Variants in DISC1 observed in about 807,000 individuals in gnomAD.
The protein encoded by DISC1 is disrupted in schizophrenia 1 protein.
Under a neutral mutation model 84.5 loss-of-function variants are expected in DISC1, and 57 were observed. That is an observed-to-expected ratio of 0.67 (90% CI 0.55 to 0.84). The LOEUF (loss-of-function observed/expected upper bound fraction) is 0.84. Among genes scored for constraint, DISC1 ranks in the 40% least tolerant of loss-of-function variants. DISC1 has a pLI of 0.00. For synonymous variants in DISC1, 411 were observed against 415.2 expected, an observed-to-expected ratio of 0.99 and a Z score of 0.12; for missense variants, 1,000 against 1,057.8, an observed-to-expected ratio of 0.95 and a Z score of 0.76.
At chr1:231,884,607 G>A (rs578025243) in intron 9 of DISC1, among the ~76,000 whole-genome samples, 16 of 152,250 alleles carry the variant, frequency 1.1e-4, no homozygotes, top group African/African-American at 3.9e-4. Flanking sequence ...TCCTTCGGGT[G>A]TATAAGAACA....
chr1:231,783,728 C>T (rs996395978), intron 6 of DISC1, among the ~76,000 whole-genome samples: 5 of 152,136 alleles, frequency 3.3e-5, no homozygotes, highest in Admixed American at 6.5e-5. Flanking sequence ...AGGGTGTGAA[C>T]GCGTGTGTGT....
chr1:231,684,535 T>C (rs542749251), intron 1 of DISC1, among the ~76,000 whole-genome samples: 51 of 152,226 alleles, frequency 3.4e-4, no homozygotes, highest in South Asian at 1.0e-3. Context: ...CCTGTGTAAA[T>C]ACCAGCAGGC....
chr1:232,003,113 G>A (rs1666923046), intron 10 of DISC1, among the ~76,000 whole-genome samples: 1 of 151,974 alleles, frequency 6.6e-6, no homozygotes, highest in South Asian at 2.1e-4. Context: ...TGAAAGACTT[G>A]GCTAAAATCA....
chr1:231,964,042 T>C (rs948176577), intron 10 of DISC1, among the ~76,000 whole-genome samples: 24 of 152,156 alleles, frequency 1.6e-4, no homozygotes, highest in Admixed American at 9.2e-4. Context: ...GCTGTCTGCT[T>C]GTGGATTTCA....
At chr1:231,742,978 A>G (rs1370298014) in intron 3 of DISC1, among the ~76,000 whole-genome samples, 4 of 152,236 alleles carry the variant, frequency 2.6e-5, no homozygotes, top group Non-Finnish European at 5.9e-5. Flanking sequence ...AGCTAATCAC[A>G]GATATTTTCT....
chr1:231,762,208 CT>C (rs1329270207), intron 4 of DISC1, among the ~76,000 whole-genome samples: 28 of 101,970 alleles, frequency 2.7e-4, no homozygotes, highest in East Asian at 2.3e-3. Context: ...CTTTTCTTTT[CT>C]TTTCTCTTCT....
chr1:232,002,017 A>G (rs1328879313), intron 10 of DISC1, among the ~76,000 whole-genome samples: 3 of 152,220 alleles, frequency 2.0e-5, no homozygotes, highest in Admixed American at 2.0e-4. Flanking sequence ...ACAATGTACA[A>G]AGTCTCAAAA....
At chr1:231,696,765 G>A (rs1414973603) in intron 2 of DISC1, among the ~76,000 whole-genome samples, 2 of 152,196 alleles carry the variant, frequency 1.3e-5, no homozygotes, top group African/African-American at 4.8e-5. Context: ...TGCTGCACAG[G>A]TTTGTAGCCA....
chr1:231,708,454 G>A (rs1265499305), intron 3 of DISC1, among the ~76,000 whole-genome samples: 1 of 152,234 alleles, frequency 6.6e-6, no homozygotes, highest in African/African-American at 2.4e-5. Context: ...TAGATGAAGA[G>A]ATGTTTGGAC....
intron 5 of DISC1, among the ~76,000 whole-genome samples, chr1:231,770,527 C>T (rs1428965652): frequency 2.0e-5 from 3 of 152,182 alleles, no homozygotes; most frequent in Admixed American, 6.5e-5. Context: ...TGTCCTAACT[C>T]ATCCATCCGA....
In DISC1 at chr1:232,007,123, G is replaced by T. The variant is rs185353285; in HGVS notation, c.2043-1662G>T. On this transcript the variant is annotated intron_variant, in intron 10 of 12. Transcript: ENST00000439617. ...CGCCTGGATTTCCAGGCAGAAGTTT[G>T]CTGCAGGGGTGGAGCACTCATGGAG... 8.6e-3 allele frequency among the ~76,000 whole-genome samples: 1,308 copies of T among 152,314 alleles called. 18 individuals carry two copies. Among genetic ancestry groups the T allele is most frequent in the African/African-American group, 0.03 (1,232 of 41,558 alleles).
chr1:231,994,246 C>G (rs1484528370), intron 10 of DISC1, among the ~76,000 whole-genome samples: 1 of 152,212 alleles, frequency 6.6e-6, no homozygotes, highest in Non-Finnish European at 1.5e-5. Flanking sequence ...CAGCTGTCAG[C>G]TGGGATCCCA....
At chr1:231,666,135 G>A (rs559597395) in intron 1 of DISC1, among the ~76,000 whole-genome samples, 1 of 152,170 alleles carries the variant, frequency 6.6e-6, no homozygotes, top group South Asian at 2.1e-4. Context: ...ATGCAATCAA[G>A]GTAATGCTTA....
intron 2 of DISC1, 116 bp from the exon 3 acceptor site, chr1:231,701,839 A>T: frequency 3.4e-6 from 3 of 879,544 alleles, no homozygotes; most frequent in Non-Finnish European, 4.9e-6. Context: ...TTTTTTTTAA[A>T]AAGAGAATGA....
chr1:231,998,643 A>G (rs941840925), intron 10 of DISC1, among the ~76,000 whole-genome samples: 1 of 152,236 alleles, frequency 6.6e-6, no homozygotes, highest in Non-Finnish European at 1.5e-5. Flanking sequence ...AAATGGGACT[A>G]TGAGACCTGG....
At chr1:231,801,617 T>C (rs887160179) in intron 8 of DISC1, among the ~76,000 whole-genome samples, 1 of 152,220 alleles carries the variant, frequency 6.6e-6, no homozygotes, top group Non-Finnish European at 1.5e-5. Flanking sequence ...TTCTGGTTGC[T>C]CTGTATGCTC....
chr1:231,642,041 C>G (rs897749788), intron 1 of DISC1, among the ~76,000 whole-genome samples: 2 of 152,194 alleles, frequency 1.3e-5, no homozygotes, highest in African/African-American at 4.8e-5. Context: ...CAGGAGCCCA[C>G]GAAGGGCGGG....
chr1:231,702,235 A>G (rs1393237563), intron 3 of DISC1: 1 of 1,280,680 alleles, frequency 7.8e-7, no homozygotes. Context: ...TATAAATATA[A>G]CCTTATCAAT....
At chr1:231,854,835 G>A in intron 9 of DISC1, 1 of 316,486 alleles carries the variant, frequency 3.2e-6, no homozygotes, top group Non-Finnish European at 6.7e-6. Context: ...TCCTGCCTCA[G>A]CCTCCGGAGT....
Sources: gnomAD v4.1 joint callset for allele counts (sites outside exome capture counted in the v4.1 genomes callset) on GRCh38, gnomAD v4.1.1 for gene constraint, MANE v1.5 for transcripts, NCBI Gene and HGNC (gene_info 2026-07-23, HGNC 2026-07-21) for gene names.